Variants in PRKDC observed in about 807,000 individuals in gnomAD.
PRKDC encodes DNA-dependent protein kinase catalytic subunit.
In PRKDC, 82 loss-of-function variants were observed where a neutral mutation model predicts 486.9. The ratio of observed to expected loss-of-function variants is 0.17; its 90% CI spans 0.14 to 0.20. The LOEUF (loss-of-function observed/expected upper bound fraction) is 0.20. Among genes scored for constraint, PRKDC ranks in the 10% least tolerant of loss-of-function variants. PRKDC has a pLI of 1.00. For missense variants in PRKDC, 4,504 were observed against 5,038.2 expected, an observed-to-expected ratio of 0.89 and a Z score of 3.21; for synonymous variants, 1,895 against 1,837.0, an observed-to-expected ratio of 1.03 and a Z score of -0.81.
intron 74 of PRKDC, 142 bp downstream of exon 74, chr8:47,794,148 C>A: frequency 1.4e-6 from 1 of 704,232 alleles, no homozygotes; most frequent in Non-Finnish European, 2.4e-6. Context: ...TAGATATATT[C>A]AACAAAGCGA....
chr8:47,935,959 A>C, intron 12 of PRKDC, 59 bp from the exon 13 acceptor site: 1 of 1,446,806 alleles, frequency 6.9e-7, no homozygotes, highest in Non-Finnish European at 9.4e-7. Flanking sequence ...ATACAGGAAT[A>C]ATACAAATAT....
chr8:47,868,424 G>T (rs1398622983), intron 40 of PRKDC, among the ~76,000 whole-genome samples: 1 of 151,806 alleles, frequency 6.6e-6, no homozygotes, highest in African/African-American at 2.4e-5. Flanking sequence ...AAGAAAAAAG[G>T]CTGGGCGTGA....
At chr8:47,807,445 GTCTCACTC>G (rs1390021256) in intron 68 of PRKDC, 119 bp from the exon 69 acceptor site, 1 of 847,628 alleles carries the variant, frequency 1.2e-6, no homozygotes, top group Non-Finnish European at 1.7e-6. Flanking sequence ...TTGAGATGGA[GTCTCACTC>G]TGTTGCCCAG....
chr8:47,850,044 C>A lies in PRKDC; in HGVS notation c.7006-541G>T, dbSNP rs1218786992. On this transcript the variant is annotated intron_variant, in intron 52 of 85. Coordinates refer to ENST00000314191, the MANE Select transcript of PRKDC (RefSeq NM_006904.7). ...TACCTGTTATATATTCATCTGTGTA[C>A]CATCTGTCTCCCCTCCCCAAATGCC... 2.0e-5 allele frequency among the ~76,000 whole-genome samples: 3 copies of A among 152,162 alleles called. No homozygotes were observed. The East Asian group carries it at 5.8e-4, about 29-fold the overall frequency.
chr8:47,858,809 TGAATATAGTATTA>T (rs2088604530), intron 47 of PRKDC, 27 bp downstream of exon 47: 2 of 1,586,006 alleles, frequency 1.3e-6, no homozygotes, highest in Non-Finnish European at 1.7e-6. Context: ...ATGACACCAA[TGAATATAGTATTA>T]ACAGGTAAGA....
At position 47,949,711 on chromosome 8, in the gene PRKDC, G is replaced by A. The variant is rs555106690; in HGVS notation, c.721+3909C>T. Among the ~76,000 whole-genome samples the A allele has an allele frequency of 2.6e-5, 4 of 152,284 alleles. No homozygotes were observed. The East Asian group carries it at 7.7e-4, about 29-fold the overall frequency. ...GGGGAATCATAAATGCTTCCTAAGA[G>A]GGGTGACAGTTGAAAAGAAGCTGAG... On this transcript the variant is annotated intron_variant, in intron 7 of 85. Transcript: ENST00000314191.
At chr8:47,908,718 C>T (rs934984453) in intron 25 of PRKDC, among the ~76,000 whole-genome samples, 8 of 152,188 alleles carry the variant, frequency 5.3e-5, no homozygotes, top group East Asian at 1.9e-4. Context: ...AAAGGGGTGA[C>T]GTGAACGTTC....
chr8:47,825,106 C>T (rs777132067), intron 63 of PRKDC, among the ~76,000 whole-genome samples: 4 of 152,128 alleles, frequency 2.6e-5, no homozygotes, highest in Non-Finnish European at 4.4e-5. Context: ...CTCATGGCCC[C>T]AGAGTCAGGG....
At chr8:47,886,273 A>C in intron 35 of PRKDC, 126 bp from the exon 36 acceptor site, 1 of 646,210 alleles carries the variant, frequency 1.5e-6, no homozygotes, top group Non-Finnish European at 2.4e-6. Context: ...CTGATATGTG[A>C]AGCCTGGATT....
intron 61 of PRKDC, among the ~76,000 whole-genome samples, chr8:47,828,854 A>G (rs993210620): frequency 7.2e-5 from 11 of 152,240 alleles, no homozygotes; most frequent in African/African-American, 2.7e-4. Flanking sequence ...TCAAGGTCCC[A>G]CCACCTGACC....
rs2154497168 is a variant in PRKDC at position 47,774,171 on chromosome 8, C to A, written c.*2G>T. ...CTTTCTATCTGCAGACTCCCACAGA[C>A]CTCACATCCAGGGCTCCCATCCTTC... On this transcript the variant is annotated 3_prime_UTR_variant, in exon 86 of 86. Coordinates refer to ENST00000314191, the MANE Select transcript of PRKDC (RefSeq NM_006904.7). 1 of 1,568,830 alleles carries A rather than the reference C, an allele frequency of 6.4e-7. No individual in the cohort carries two copies. The highest frequency in any genetic ancestry group is 8.6e-7 in the Non-Finnish European group (1 of 1,156,148).
chr8:47,837,707 A>G (rs1328127484), intron 56 of PRKDC, among the ~76,000 whole-genome samples: 2 of 152,264 alleles, frequency 1.3e-5, no homozygotes, highest in Non-Finnish European at 2.9e-5. Context: ...GTTTTCAACG[A>G]TGAGTACATA....
intron 21 of PRKDC, among the ~76,000 whole-genome samples, chr8:47,921,242 G>A (rs915414157): frequency 6.6e-6 from 1 of 150,972 alleles, no homozygotes; most frequent in Admixed American, 6.6e-5. Context: ...GCGACAGAGC[G>A]AGACTCCATC....
intron 36 of PRKDC, among the ~76,000 whole-genome samples, chr8:47,884,319 A>C (rs2089283383): frequency 6.6e-6 from 1 of 152,108 alleles, no homozygotes; most frequent in Admixed American, 6.5e-5. Context: ...CCCTGCTCGC[A>C]TGTCTGCCCT....
At chr8:47,779,137 C>T (rs2086657512) in intron 80 of PRKDC, 44 bp from the exon 81 acceptor site, 1 of 1,398,808 alleles carries the variant, frequency 7.1e-7, no homozygotes, top group Non-Finnish European at 9.8e-7. Context: ...AAGATTTTAG[C>T]ATTATGTGAT....
chr8:47,925,342 C>T (rs1697964613), intron 21 of PRKDC, among the ~76,000 whole-genome samples: 1 of 152,230 alleles, frequency 6.6e-6, no homozygotes, highest in South Asian at 2.1e-4. Context: ...CAAAAAGGCA[C>T]AGCCCAAAAC....
chr8:47,845,451 C>G (rs1221676407), intron 54 of PRKDC, among the ~76,000 whole-genome samples: 5 of 152,008 alleles, frequency 3.3e-5, no homozygotes, highest in Non-Finnish European at 7.4e-5. Context: ...TAAGAAATGA[C>G]AAAGATAACA....
At chr8:47,917,043 C>T (rs777822427) in intron 22 of PRKDC, among the ~76,000 whole-genome samples, 1 of 151,922 alleles carries the variant, frequency 6.6e-6, no homozygotes, top group Non-Finnish European at 1.5e-5. Flanking sequence ...ATTGCTTAAC[C>T]CCAGGAGTTC....
intron 65 of PRKDC, 99 bp downstream of exon 65, chr8:47,821,505 C>A: frequency 1.7e-6 from 2 of 1,187,844 alleles, no homozygotes; most frequent in South Asian, 1.3e-5. Context: ...TAGTGCTTCA[C>A]AAGTACTACC....
Sources: allele counts gnomAD v4.1 joint callset (sites outside exome capture counted in the v4.1 genomes callset), GRCh38; gene constraint gnomAD v4.1.1; transcripts MANE v1.5; gene names NCBI Gene and HGNC (gene_info 2026-07-23, HGNC 2026-07-21).